DIS3L2: variants seen among roughly 807,000 people sequenced by gnomAD.
DIS3L2 encodes the protein DIS3-like exonuclease 2.
DIS3L2 carries 34 observed loss-of-function variants against 97.5 expected under a neutral mutation model. That is an observed-to-expected ratio of 0.35 (90% CI 0.27 to 0.46). The LOEUF (loss-of-function observed/expected upper bound fraction) is 0.46. Among genes scored for constraint, DIS3L2 ranks in the 20% least tolerant of loss-of-function variants. The pLI, the probability that DIS3L2 is intolerant of heterozygous loss-of-function variation, is 1.00. For missense variants in DIS3L2, 1,038 were observed against 1,146.0 expected (o/e 0.91, Z 1.36); for synonymous variants, 435 against 445.2 (o/e 0.98, Z 0.29).
At chr2:232,057,150 T>C (rs945414638) in intron 5 of DIS3L2, among the ~76,000 whole-genome samples, 2 of 152,190 alleles carry the variant, frequency 1.3e-5, no homozygotes, top group African/African-American at 4.8e-5. Context: ...AAACTGCTTA[T>C]GGTTCTACTT....
rs370149214 is a variant in DIS3L2 at position 232,334,704 on chromosome 2, G to A, written c.2363G>A (p.Arg788His). ...CAAGCCTTCGACGTGCTGGTGCTGCGCTACGGCGTGCAGAAGCGCATCTAC... is the reference window on the plus strand; with the variant it reads ...CAAGCCTTCGACGTGCTGGTGCTGCACTACGGCGTGCAGAAGCGCATCTAC... ...LKQAFDVLVL[R>H]YGVQKRIYCN... The change falls in exon 19 of 21, where the codon CGC becomes CAC. Residue 788 changes from arginine (R) to histidine (H), a missense_variant. This residue lies in a region of DIS3L2 where 221 missense variants were observed against 246.9 expected (regional missense o/e 0.90). Transcript: ENST00000325385. The A allele has an allele frequency of 3.6e-5, 58 of 1,609,290 alleles. No individual in the cohort carries two copies. Among genetic ancestry groups the A allele is most frequent in the South Asian group, 1.5e-4 (14 of 90,402 alleles).
chr2:232,283,513 C>T (rs1372323854), intron 13 of DIS3L2, among the ~76,000 whole-genome samples: 2 of 152,198 alleles, frequency 1.3e-5, no homozygotes, highest in South Asian at 2.1e-4. Context: ...TGCCTCTGCA[C>T]CCCCATAGTG....
chr2:231,996,354 G>T lies in DIS3L2; in HGVS notation c.-93-18481G>T, dbSNP rs565006477. Among the ~76,000 whole-genome samples the T allele has an allele frequency of 1.3e-5, 2 of 152,290 alleles. 1 individual carries two copies. Among genetic ancestry groups the T allele is most frequent in the South Asian group, 4.1e-4 (2 of 4,822 alleles). On this transcript the variant is annotated intron_variant, in intron 1 of 20. Transcript: ENST00000325385. ...TAGAAACTGGATTCAGCCATAGATT[G>T]TAGGACCTATCTTGTATACACCTAG...
intron 9 of DIS3L2, among the ~76,000 whole-genome samples, chr2:232,176,116 C>T (rs1231273508): frequency 2.0e-5 from 3 of 152,192 alleles, no homozygotes; most frequent in Non-Finnish European, 4.4e-5. Context: ...GTCTTGAACT[C>T]CTGACCTCAA....
rs1469729988 is a variant in DIS3L2, at chr2:232,335,571, C to G, written c.2395-202C>G. On this transcript the variant is annotated intron_variant, in intron 19 of 20. Transcript: ENST00000325385. ...CAGAGCCACGGGCCTTCCCAGCCCCCACCCCTGGCCCTTGGTCACTCTCAC... is the reference window on the plus strand; with the variant it reads ...CAGAGCCACGGGCCTTCCCAGCCCCGACCCCTGGCCCTTGGTCACTCTCAC... The G allele has an allele frequency of 6.5e-6, 4 of 615,224 alleles. No homozygotes were observed. The East Asian group carries it at 1.1e-4, about 17-fold the overall frequency. 38.1% of individuals were successfully genotyped at this position (615,224 alleles called of 1,614,324 possible).
chr2:232,072,727 C>T (rs775227540), intron 5 of DIS3L2, among the ~76,000 whole-genome samples: 5 of 151,066 alleles, frequency 3.3e-5, no homozygotes, highest in Non-Finnish European at 5.9e-5. Context: ...GAGACTAAAC[C>T]AGGATGGTGG....
chr2:232,262,235 G>A (rs1693727447), intron 12 of DIS3L2, among the ~76,000 whole-genome samples: 1 of 151,792 alleles, frequency 6.6e-6, no homozygotes, highest in Non-Finnish European at 1.5e-5. Context: ...CCTCCAAACG[G>A]CCCAGGCCCA....
intron 6 of DIS3L2, among the ~76,000 whole-genome samples, chr2:232,103,423 A>G (rs1390766591): frequency 6.6e-6 from 1 of 152,160 alleles, no homozygotes; most frequent in African/African-American, 2.4e-5. Context: ...TTGGGAATAG[A>G]TATTGAATTC....
intron 14 of DIS3L2, among the ~76,000 whole-genome samples, chr2:232,321,506 C>T (rs1295182729): frequency 2.6e-5 from 4 of 152,108 alleles, no homozygotes; most frequent in East Asian, 1.9e-4. Flanking sequence ...TGCCGTGGCC[C>T]GTGGCCCACT....
intron 5 of DIS3L2, among the ~76,000 whole-genome samples, chr2:232,059,986 T>G (rs188021482): frequency 1.8e-4 from 27 of 152,318 alleles, no homozygotes; most frequent in African/African-American, 5.8e-4. Context: ...ATTTATTTTC[T>G]TTTGGATGTA....
intron 6 of DIS3L2, among the ~76,000 whole-genome samples, chr2:232,113,985 G>A (rs1212900957): frequency 6.6e-6 from 1 of 152,138 alleles, no homozygotes; most frequent in Non-Finnish European, 1.5e-5. Context: ...GGATCAGCTG[G>A]CACCACACAG....
intron 6 of DIS3L2, among the ~76,000 whole-genome samples, chr2:232,106,029 A>AT (rs1343547182): frequency 2.6e-5 from 4 of 151,852 alleles, no homozygotes; most frequent in African/African-American, 9.7e-5. Flanking sequence ...TAATGGTATC[A>AT]TTTTTTCCTT....
intron 6 of DIS3L2, among the ~76,000 whole-genome samples, chr2:232,095,991 C>T (rs572632773): frequency 1.4e-5 from 2 of 147,614 alleles, no homozygotes; most frequent in African/African-American, 5.0e-5. Flanking sequence ...TCTTTTTCTT[C>T]TTTTCTTTTC....
chr2:232,058,926 G>T (rs1695622939), intron 5 of DIS3L2, among the ~76,000 whole-genome samples: 1 of 151,994 alleles, frequency 6.6e-6, no homozygotes, highest in Non-Finnish European at 1.5e-5. Flanking sequence ...GTTTTTATTT[G>T]TGCCCATTTT....
chr2:232,312,389 A>G (rs889993701), intron 14 of DIS3L2, among the ~76,000 whole-genome samples: 13 of 152,276 alleles, frequency 8.5e-5, no homozygotes, highest in African/African-American at 3.1e-4. Context: ...TAGCACTGCC[A>G]CCTTTGTCAA....
rs554293697 is a variant in DIS3L2 at position 231,972,387 on chromosome 2, A to G, written c.-94+10622A>G. On this transcript the variant is annotated intron_variant, in intron 1 of 20. Transcript: ENST00000325385. ...TTTACACCAGCATCAACACAAACACATGACTAGTGGGTTGTGCTACACTGT... is the reference window on the plus strand; with the variant it reads ...TTTACACCAGCATCAACACAAACACGTGACTAGTGGGTTGTGCTACACTGT... 3.3e-5 allele frequency among the ~76,000 whole-genome samples: 5 copies of G among 152,128 alleles called. No homozygotes were observed. In the East Asian group the frequency reaches 9.7e-4, roughly 29 times the overall value.
chr2:232,164,363 T>C (rs1330394101), intron 9 of DIS3L2, among the ~76,000 whole-genome samples: 1 of 152,244 alleles, frequency 6.6e-6, no homozygotes, highest in Non-Finnish European at 1.5e-5. Flanking sequence ...AGTTCTTTTC[T>C]GATATTTCTC....
chr2:232,337,196 T>G, downstream of DIS3L2: 1 of 992,290 alleles, frequency 1.0e-6, no homozygotes, highest in Non-Finnish European at 1.2e-6. Context: ...TATGCAACAC[T>G]GAGAGCGCCC....
intron 10 of DIS3L2, among the ~76,000 whole-genome samples, chr2:232,225,618 A>C (rs1692623360): frequency 6.6e-6 from 1 of 152,170 alleles, no homozygotes; most frequent in South Asian, 2.1e-4. Flanking sequence ...TTCTGCATAC[A>C]TTCTATTTCG....
Sources: gnomAD v4.1 joint callset for allele counts (sites outside exome capture counted in the v4.1 genomes callset) on GRCh38, gnomAD v4.1.1 for gene constraint, gnomAD v4.1.1 regional missense constraint, MANE v1.5 for transcripts, NCBI Gene and HGNC (gene_info 2026-07-23, HGNC 2026-07-21) for gene names.